Variants in ALS2 observed in about 807,000 individuals in gnomAD.
ALS2 encodes the protein alsin.
ALS2 carries 117 observed loss-of-function variants against 203.4 expected under a neutral mutation model. The observed-to-expected ratio is 0.58, with a 90% CI of 0.50 to 0.67. The LOEUF (loss-of-function observed/expected upper bound fraction) is 0.67, where lower values mean the gene tolerates loss of function less well. Among genes scored for constraint, ALS2 ranks in the 30% least tolerant of loss-of-function variants. The probability of loss-of-function intolerance (pLI) is 0.00; values close to 1 mark genes in which losing one functional copy is unlikely to be tolerated. For missense variants in ALS2, 1,715 were observed against 1,989.4 expected, an observed-to-expected ratio of 0.86 and a Z score of 2.62; for synonymous variants, 718 against 725.9, an observed-to-expected ratio of 0.99 and a Z score of 0.17.
At chr2:201,707,149 T>C (rs1472377519) in intron 28 of ALS2, 127 bp from the exon 29 acceptor site, 8 of 823,494 alleles carry the variant, frequency 9.7e-6, no homozygotes, top group Non-Finnish European at 9.9e-6. Context: ...AGTTATAATA[T>C]TACTCTGCTC....
At position 201,733,297 on chromosome 2, in the gene ALS2, CT is replaced by C. The variant is rs761484424; in HGVS notation, c.2558del (p.Lys853SerfsTer51). ...RLHNYAKVLL[K>X]LATCFEVASP... The stretch of plus-strand genomic sequence containing the variant: ...TTACCACTTCAAAACAAGTAGCAAG[CT>C]TTAGCAAAACTTTTGCGTAATTATG... On this transcript the variant is annotated frameshift_variant, in exon 13 of 34. Coordinates refer to ENST00000264276, the MANE Select transcript of ALS2 (RefSeq NM_020919.4). LOFTEE classifies it high-confidence loss of function. 6.2e-7 allele frequency: 1 copy of C among 1,613,794 alleles called. No homozygotes were observed.
In ALS2 at chr2:201,760,983, T is replaced by C. The variant is rs1574786314; in HGVS notation, c.1011A>G (p.Pro337=). 1.2e-6 allele frequency: 2 copies of C among 1,614,182 alleles called. No individual in the cohort carries two copies. Among genetic ancestry groups the C allele is most frequent in the Non-Finnish European group, 1.7e-6 (2 of 1,180,028 alleles). ...TTEISSARNI[P]SYPDTQAVNE... is the part of the protein sequence containing the mutation. ...TGACTGCTTGGGTGTCAGGGTATGA[T>C]GGTATGTTTCTGGCAGAGGAAATTT... The change falls in exon 4 of 34, where the codon CCA becomes CCG. Residue 337 remains proline, a synonymous_variant. Transcript: ENST00000264276.
At chr2:201,722,954 T>G (rs779733035) in intron 23 of ALS2, 89 bp downstream of exon 23, 182 of 1,084,250 alleles carry the variant, frequency 1.7e-4, no homozygotes, top group Non-Finnish European at 2.4e-4. Context: ...GGGTGAATTT[T>G]ATGGCATGTA....
chr2:201,756,449 G>A (rs908524077), intron 5 of ALS2, among the ~76,000 whole-genome samples: 2 of 152,048 alleles, frequency 1.3e-5, no homozygotes, highest in Non-Finnish European at 2.9e-5. Context: ...GAGTAAAAAA[G>A]GTAAGTTTTA....
chr2:201,706,708 A>G (rs573079989), intron 29 of ALS2, 138 bp downstream of exon 29: 1 of 799,182 alleles, frequency 1.3e-6, no homozygotes, highest in Admixed American at 2.4e-5. Flanking sequence ...AACTATCACT[A>G]TTTTGTTAAA....
chr2:201,727,711 C>T lies in ALS2; in HGVS notation c.2906G>A (p.Gly969Asp). 2 of 1,551,636 alleles carry T rather than the reference C, an allele frequency of 1.3e-6. No homozygotes were observed. Among genetic ancestry groups the T allele is most frequent in the Non-Finnish European group, 1.7e-6 (2 of 1,146,986 alleles). Reference sequence around the variant, plus strand: ...GGAGGGGGGACGCACTTACACACCACCAGCTTCTTCAGACAGTGGCTCTGC... The same window carrying T: ...GGAGGGGGGACGCACTTACACACCATCAGCTTCTTCAGACAGTGGCTCTGC... ...LWAEPLSEEA[G>D]GVNGLKITTP... The change falls in exon 16 of 34, where the codon GGT becomes GAT. Residue 969 changes from glycine (G) to aspartate (D), a missense_variant. Physicochemically the swap from Gly to Asp is moderately conservative, Grantham distance 94 (BLOSUM62 -1). Around this residue, in one of 3 missense-constraint regions of ALS2, gnomAD observed 1,227 missense variants for 1,413.5 expected, o/e 0.87. Coordinates refer to ENST00000264276, the MANE Select transcript of ALS2 (RefSeq NM_020919.4).
intron 27 of ALS2, 57 bp from the exon 28 acceptor site, chr2:201,708,048 C>A: frequency 6.6e-7 from 1 of 1,508,998 alleles, no homozygotes; most frequent in Non-Finnish European, 9.1e-7. Flanking sequence ...GGTTGAAAAG[C>A]ATAAAAACAC....
chr2:201,744,015 G>C (rs1367728150), intron 10 of ALS2, among the ~76,000 whole-genome samples: 1 of 152,130 alleles, frequency 6.6e-6, no homozygotes, highest in African/African-American at 2.4e-5. Flanking sequence ...TATCCTAAAA[G>C]TTCCATTTTC....
intron 13 of ALS2, among the ~76,000 whole-genome samples, chr2:201,731,256 G>A (rs1037126680): frequency 6.6e-6 from 1 of 152,060 alleles, no homozygotes; most frequent in African/African-American, 2.4e-5. Flanking sequence ...AAAAAATAAG[G>A]TATGATCTTT....
At chr2:201,760,307 T>A in intron 4 of ALS2, 2 of 974,346 alleles carry the variant, frequency 2.1e-6, no homozygotes, top group South Asian at 9.5e-5. Flanking sequence ...CAAGACCCCA[T>A]CTCAAAAACA....
At chr2:201,731,242 GA>G (rs112539387) in intron 13 of ALS2, among the ~76,000 whole-genome samples, 1 of 149,704 alleles carries the variant, frequency 6.7e-6, no homozygotes, top group Non-Finnish European at 1.5e-5. Flanking sequence ...GAGTGCTAGG[GA>G]AAAAAAAATA....
intron 11 of ALS2, among the ~76,000 whole-genome samples, chr2:201,739,533 A>G (rs1692127184): frequency 6.6e-6 from 1 of 151,998 alleles, no homozygotes; most frequent in Non-Finnish European, 1.5e-5. Flanking sequence ...ACCTGAGGTC[A>G]GGAGTTCGAG....
intron 8 of ALS2, among the ~76,000 whole-genome samples, chr2:201,748,230 C>T (rs1459583779): frequency 6.6e-6 from 1 of 152,036 alleles, no homozygotes; most frequent in Admixed American, 6.6e-5. Flanking sequence ...GTGTCTACTA[C>T]TAATTTTATA....
intron 7 of ALS2, among the ~76,000 whole-genome samples, chr2:201,752,443 T>A (rs949639361): frequency 6.6e-6 from 1 of 152,118 alleles, no homozygotes; most frequent in African/African-American, 2.4e-5. Flanking sequence ...TTTGAATGAA[T>A]CATGTTAAAA....
intron 7 of ALS2, among the ~76,000 whole-genome samples, chr2:201,751,096 G>A (rs1341671166): frequency 3.3e-5 from 5 of 151,866 alleles, no homozygotes; most frequent in African/African-American, 4.8e-5. Flanking sequence ...CAGGTGATCC[G>A]CCCACCTCAA....
chr2:201,774,238 C>G (rs531536596), intron 1 of ALS2, among the ~76,000 whole-genome samples: 33 of 152,216 alleles, frequency 2.2e-4, no homozygotes, highest in African/African-American at 7.9e-4. Context: ...GGACAGTGGG[C>G]AGAGCCAAAG....
chr2:201,710,453 A>C (rs1446961832), intron 26 of ALS2, among the ~76,000 whole-genome samples: 2 of 152,094 alleles, frequency 1.3e-5, no homozygotes, highest in African/African-American at 4.8e-5. Context: ...AAAGAATACA[A>C]AATTTTAAAA....
chr2:201,757,350 A>C, intron 5 of ALS2, 52 bp downstream of exon 5: 1 of 1,426,026 alleles, frequency 7.0e-7, no homozygotes, highest in South Asian at 1.1e-5. Flanking sequence ...CGATGTCAGG[A>C]GCATCCTGGA....
intron 12 of ALS2, among the ~76,000 whole-genome samples, chr2:201,733,729 T>C (rs1691714519): frequency 6.6e-6 from 1 of 152,156 alleles, no homozygotes; most frequent in African/African-American, 2.4e-5. Flanking sequence ...AGATGAATAA[T>C]CAGAGACCAG....
Sources: allele counts gnomAD v4.1 joint callset (sites outside exome capture counted in the v4.1 genomes callset), GRCh38; gene constraint gnomAD v4.1.1; regional missense constraint gnomAD v4.1.1; transcripts MANE v1.5; gene names NCBI Gene and HGNC (gene_info 2026-07-23, HGNC 2026-07-21).